The following PAXIP1 variants were observed in gnomAD, a reference collection of about 807,000 sequenced individuals.
PAXIP1 encodes the protein PAX interacting protein 1, also known as PAX-interacting protein 1.
PAXIP1 carries 19 observed loss-of-function variants against 140.6 expected under a neutral mutation model. That is an observed-to-expected ratio of 0.14 (90% confidence interval 0.09 to 0.20). The LOEUF is 0.20. PAXIP1 is among the 10% of genes least tolerant of loss of function. The probability of loss-of-function intolerance (pLI) is 1.00; values close to 1 mark genes in which losing one functional copy is unlikely to be tolerated. For synonymous variants in PAXIP1, 442 were observed against 444.6 expected (o/e 0.99, Z 0.07); for missense variants, 920 against 1,208.6 (o/e 0.76, Z 3.54).
At chr7:154,948,989 C>T (rs1808139326) in intron 16 of PAXIP1, 1 of 152,106 alleles carries the variant, frequency 6.6e-6, no homozygotes, top group South Asian at 2.1e-4. Context: ...TTCATAGCAA[C>T]ATTTTAAGAA....
chr7:154,952,849 G>C (rs937267200), intron 16 of PAXIP1, among the ~76,000 whole-genome samples: 17 of 152,142 alleles, frequency 1.1e-4, no homozygotes. Context: ...TCAGATTAAT[G>C]ATTTATTCTT....
chr7:154,995,030 A>G (rs553297290), intron 2 of PAXIP1, among the ~76,000 whole-genome samples: 1 of 152,188 alleles, frequency 6.6e-6, no homozygotes, highest in African/African-American at 2.4e-5. Flanking sequence ...CTTCATGTAG[A>G]CCAAGCTCTC....
At chr7:154,994,892 GATCT>G (rs1810500496) in intron 2 of PAXIP1, among the ~76,000 whole-genome samples, 1 of 152,102 alleles carries the variant, frequency 6.6e-6, no homozygotes, top group Non-Finnish European at 1.5e-5. Context: ...TTAATTTTTC[GATCT>G]ATGTGCCTTA....
At chr7:154,974,195 C>G (rs1329460926) in intron 6 of PAXIP1, 1 of 152,232 alleles carries the variant, frequency 6.6e-6, no homozygotes, top group East Asian at 1.9e-4. Context: ...ACAGCATCAT[C>G]TTCCTTCACT....
intron 5 of PAXIP1, among the ~76,000 whole-genome samples, chr7:154,979,523 A>G (rs1809744068): frequency 6.6e-6 from 1 of 152,128 alleles, no homozygotes. Context: ...ATAAAATACA[A>G]TAATTTAAAG....
chr7:154,975,486 C>G (rs935369190), intron 6 of PAXIP1, among the ~76,000 whole-genome samples: 1 of 151,092 alleles, frequency 6.6e-6, no homozygotes, highest in Non-Finnish European at 1.5e-5. Flanking sequence ...ACGCTGTTAC[C>G]CTTTTTCAAT....
chr7:154,946,657 T>A lies in PAXIP1; in HGVS notation c.3057+22A>T. 6.2e-7 allele frequency: 1 copy of A among 1,613,776 alleles called. No individual in the cohort carries two copies. The highest frequency in any genetic ancestry group is 2.2e-5 in the East Asian group (1 of 44,858). ...TGATACAGGGCAATGACGGACTCGCTGGCGGACTCCACTCTACCCACCGAG... is the reference window on the plus strand; with the variant it reads ...TGATACAGGGCAATGACGGACTCGCAGGCGGACTCCACTCTACCCACCGAG... On this transcript the variant is annotated intron_variant, in intron 18 of 20. Transcript: ENST00000404141. This position sits in a 1 kb window ranked among gnomAD's most constrained non-coding sequence, Gnocchi z 4.9.
chr7:154,989,384 C>T (rs929120506), intron 4 of PAXIP1, among the ~76,000 whole-genome samples: 6 of 152,194 alleles, frequency 3.9e-5, no homozygotes, highest in Non-Finnish European at 8.8e-5. Flanking sequence ...TTCTTTCCAT[C>T]TTACCTAATA....
intron 16 of PAXIP1, chr7:154,950,288 T>C (rs769548148): frequency 2.6e-5 from 4 of 151,724 alleles, no homozygotes; most frequent in Non-Finnish European, 5.9e-5. Context: ...GACCCAAAAA[T>C]GGAACACAGA....
intron 20 of PAXIP1, chr7:154,944,945 A>G (rs1487263207): frequency 6.6e-6 from 1 of 151,250 alleles, no homozygotes; most frequent in Non-Finnish European, 1.5e-5. Flanking sequence ...ATGGCTAAAC[A>G]TGACATTGGA....
chr7:154,955,654 ATAG>A (rs1463969256), intron 14 of PAXIP1, 23 bp from the exon 15 acceptor site: 4 of 1,259,792 alleles, frequency 3.2e-6, no homozygotes, highest in Non-Finnish European at 4.4e-6. Flanking sequence ...TACACATAAA[ATAG>A]TAGTGATTTC....
rs770528483 is a variant in PAXIP1 at position 154,962,346 on chromosome 7, G to A, written c.2102C>T (p.Pro701Leu). Residue 701 changes from proline to leucine, a missense_variant, in exon 10 of 21, where the codon CCA (proline) becomes CTA (leucine). By Grantham distance (98) the Pro-to-Leu change is moderately conservative. Coordinates refer to ENST00000404141, the MANE Select transcript of PAXIP1 (RefSeq NM_007349.4). ...ATGCTGTGAACATGGCTTTCCTCCT[G>A]GTGGGAAGGCCACTGGGAAGTGAAG... Reference protein sequence around the residue: ...RALHFPVAFPPGGKPCSQHII... With the variant: ...RALHFPVAFPLGGKPCSQHII... 1 of 1,613,834 alleles carries A rather than the reference G, an allele frequency of 6.2e-7. No homozygotes were observed. The highest frequency in any genetic ancestry group is 1.7e-5 in the Admixed American group (1 of 60,010).
intron 6 of PAXIP1, 131 bp downstream of exon 6, chr7:154,975,565 G>C (rs1174641434): frequency 1.6e-6 from 1 of 622,680 alleles, no homozygotes; most frequent in Non-Finnish European, 2.8e-6. Flanking sequence ...CAAGTAAACA[G>C]GTTCTCACAC....
Position 154,982,756 on chromosome 7 carries a change from G to A in PAXIP1, c.438+463C>T, listed in dbSNP as rs538668164. The stretch of plus-strand genomic sequence containing the variant: ...TACAGCCACACCACTGCTCAAGGAT[G>A]AGAGCCCTATGCTTATCAAGACAAA... On this transcript the variant is annotated intron_variant, in intron 5 of 20. Transcript: ENST00000404141. 3.3e-5 allele frequency among the ~76,000 whole-genome samples: 5 copies of A among 152,290 alleles called. No individual in the cohort carries two copies. In the East Asian group the frequency reaches 9.6e-4, roughly 29 times the overall value.
At chr7:154,996,123 A>G (rs530894407) in intron 2 of PAXIP1, among the ~76,000 whole-genome samples, 35 of 152,228 alleles carry the variant, frequency 2.3e-4, no homozygotes, top group Non-Finnish European at 5.0e-4. Context: ...GCCTTCAGTC[A>G]TATGAATTCA....
At chr7:154,955,040 C>G (rs564439431) in intron 15 of PAXIP1, among the ~76,000 whole-genome samples, 1 of 152,310 alleles carries the variant, frequency 6.6e-6, no homozygotes, top group Non-Finnish European at 1.5e-5. Flanking sequence ...CTCACCAAAA[C>G]AAAACAAAAT....
rs1229989742 is a variant in PAXIP1 at position 154,977,885 on chromosome 7, T to TACA, written c.439-1555_439-1554insTGT. On this transcript the variant is annotated intron_variant, in intron 5 of 20. Transcript: ENST00000404141. The stretch of plus-strand genomic sequence containing the variant: ...AAACATGTATACTTTTATGCTTTTG[T>TACA]TTTTAACTTTTTAATGTACATTTTC... Among the ~76,000 whole-genome samples the TACA allele has an allele frequency of 3.1e-3, 402 of 131,208 alleles. 2 individuals carry two copies. The highest frequency in any genetic ancestry group is 0.015 in the African/African-American group (388 of 25,214). 86.1% of individuals were successfully genotyped at this position (131,208 alleles called of 152,430 possible).
chr7:154,966,281 C>G (rs1225991939), intron 8 of PAXIP1, among the ~76,000 whole-genome samples: 1 of 152,192 alleles, frequency 6.6e-6, no homozygotes, highest in Non-Finnish European at 1.5e-5. Context: ...CGAAATCACC[C>G]AGACTCCTGA....
At chr7:155,002,810 G>C in intron 1 of PAXIP1, 39 bp downstream of exon 1, 9 of 1,221,700 alleles carry the variant, frequency 7.4e-6, no homozygotes, top group Non-Finnish European at 9.8e-6. Flanking sequence ...ACGGGGACGC[G>C]GACGGGGGAG....
Sources: allele counts gnomAD v4.1 joint callset (sites outside exome capture counted in the v4.1 genomes callset), GRCh38; gene constraint gnomAD v4.1.1; non-coding constraint Gnocchi (gnomAD v3.1); transcripts MANE v1.5; gene names NCBI Gene and HGNC (gene_info 2026-07-23, HGNC 2026-07-21).